Variants in LMNTD1 observed in about 807,000 individuals in gnomAD.
The protein encoded by LMNTD1 is lamin tail domain containing 1.
Under a neutral mutation model 50.9 loss-of-function variants are expected in LMNTD1, and 35 were observed. The observed-to-expected ratio is 0.69, with a 90% CI of 0.53 to 0.91. The LOEUF (loss-of-function observed/expected upper bound fraction) is 0.91. Ranked by LOEUF, LMNTD1 falls within the 40% of genes least tolerant of loss-of-function variation. The probability of loss-of-function intolerance (pLI) is 0.00; values close to 1 mark genes in which losing one functional copy is unlikely to be tolerated. For synonymous variants in LMNTD1, 153 were observed against 161.9 expected (o/e 0.94, Z 0.42); for missense variants, 470 against 475.5 (o/e 0.99, Z 0.11).
chr12:25,545,043 T>C (rs1235428376), intron 4 of LMNTD1, among the ~76,000 whole-genome samples: 1 of 151,802 alleles, frequency 6.6e-6, no homozygotes, highest in Non-Finnish European at 1.5e-5. Flanking sequence ...TTTTTCCATG[T>C]ACTTAATTTT....
In LMNTD1 at chr12:25,520,145, C is replaced by CATATATATATATAT. The variant is rs71065950; in HGVS notation, c.799-84_799-71dup. ...TTACAACATGCTGTTATGAGATATA[C>CATATATATATATAT]ATATATATATATATATATATATATA... On this transcript the variant is annotated intron_variant, in intron 6 of 9. Coordinates refer to ENST00000458174, the MANE Select transcript of LMNTD1 (RefSeq NM_001145728.2). The CATATATATATATAT allele has an allele frequency of 2.4e-3, 550 of 234,038 alleles. 6 individuals are homozygous for CATATATATATATAT. Among genetic ancestry groups the CATATATATATATAT allele is most frequent in the Admixed American group, 5.2e-3 (84 of 16,066 alleles). 14.5% of individuals were successfully genotyped at this position (234,038 alleles called of 1,614,324 possible).
chr12:25,628,517 C>T (rs560899031), intron 1 of LMNTD1, among the ~76,000 whole-genome samples: 1 of 152,238 alleles, frequency 6.6e-6, no homozygotes, highest in Non-Finnish European at 1.5e-5. Flanking sequence ...ATACTAATTC[C>T]TGGAACCTGA....
intron 1 of LMNTD1, among the ~76,000 whole-genome samples, chr12:25,642,705 A>T (rs1199127815): frequency 6.6e-6 from 1 of 152,234 alleles, no homozygotes; most frequent in Non-Finnish European, 1.5e-5. Flanking sequence ...AAAATCTTTT[A>T]ATCTCTTTTA....
chr12:25,625,702 C>G (rs567980104), intron 1 of LMNTD1, among the ~76,000 whole-genome samples: 1 of 152,274 alleles, frequency 6.6e-6, no homozygotes, highest in South Asian at 2.1e-4. Flanking sequence ...TCCTTTTTCC[C>G]AAAAGTTTTT....
chr12:25,585,394 G>A (rs182550737), intron 1 of LMNTD1, among the ~76,000 whole-genome samples: 1 of 152,292 alleles, frequency 6.6e-6, no homozygotes, highest in East Asian at 1.9e-4. Context: ...ATGCTGCTGC[G>A]ATTACCTTAC....
chr12:25,528,505 C>T (rs1941972714), intron 4 of LMNTD1, among the ~76,000 whole-genome samples: 1 of 152,170 alleles, frequency 6.6e-6, no homozygotes, highest in Non-Finnish European at 1.5e-5. Flanking sequence ...ACCACCTGGG[C>T]CCTTGCTGAT....
intron 1 of LMNTD1, chr12:25,593,026 G>T (rs2666796): frequency 0.95 from 141,123 of 148,458 alleles, 67,550 homozygotes; most frequent in East Asian, 1. Context: ...TCCATTAACC[G>T]GAGAATCTCA....
At chr12:25,500,307 T>G (rs901006760) in intron 9 of LMNTD1, among the ~76,000 whole-genome samples, 11 of 152,052 alleles carry the variant, frequency 7.2e-5, no homozygotes, top group African/African-American at 2.7e-4. Flanking sequence ...AAATACCAAC[T>G]CCCCATTGAC....
intron 1 of LMNTD1, among the ~76,000 whole-genome samples, chr12:25,575,848 A>G (rs1159148918): frequency 6.6e-6 from 1 of 151,884 alleles, no homozygotes; most frequent in African/African-American, 2.4e-5. Context: ...CTCCCCCAAC[A>G]CCATGACAGG....
intron 1 of LMNTD1, among the ~76,000 whole-genome samples, chr12:25,645,305 G>A (rs994336389): frequency 2.0e-5 from 3 of 152,130 alleles, no homozygotes; most frequent in Non-Finnish European, 2.9e-5. Context: ...GCAAGGTTTC[G>A]AGAGTAGTGA....
chr12:25,549,728 T>C lies in LMNTD1; in HGVS notation c.90-182A>G, dbSNP rs1307048151. ...ACAATCTAAATAAAACACTTTATTA[T>C]CAATATGTTGTATGCTTTAAAAATA... On this transcript the variant is annotated intron_variant, in intron 2 of 9. Coordinates refer to ENST00000458174, the MANE Select transcript of LMNTD1 (RefSeq NM_001145728.2). Among the ~76,000 whole-genome samples, 4 of 152,156 alleles carry C rather than the reference T, an allele frequency of 2.6e-5. No homozygotes were observed. In the East Asian group the frequency reaches 7.7e-4, roughly 29 times the overall value.
chr12:25,552,949 G>A lies in LMNTD1; in HGVS notation c.11C>T (p.Thr4Ile). The change falls in exon 2 of 10, where the codon ACA becomes ATA. Residue 4 changes from threonine (T) to isoleucine (I), a missense_variant. Transcript: ENST00000458174. MKD[T>I]QDIQEASKAM... is the part of the protein sequence containing the mutation. Reference sequence around the variant, plus strand: ...CTTCGAAGCTTCCTGAATGTCTTGTGTATCTTTCATCTTGGCTAGAAAAGA... The same window carrying A: ...CTTCGAAGCTTCCTGAATGTCTTGTATATCTTTCATCTTGGCTAGAAAAGA... 1 of 1,580,344 alleles carries A rather than the reference G, an allele frequency of 6.3e-7. No homozygotes were observed. The highest frequency in any genetic ancestry group is 1.7e-4 in the Middle Eastern group (1 of 6,028).
At chr12:25,640,556 A>C (rs12821088) in intron 1 of LMNTD1, among the ~76,000 whole-genome samples, 2 of 152,172 alleles carry the variant, frequency 1.3e-5, no homozygotes, top group African/African-American at 4.8e-5. Context: ...AACTATGTGT[A>C]TATATTAAGA....
chr12:25,541,882 A>G lies in LMNTD1; in HGVS notation c.491+4492T>C, dbSNP rs1452622904. ...ACTCAAACAAATTTACAAGAAAAAAACAAACAACCCCATCAAAAAGTGGGC... is the reference window on the plus strand; with the variant it reads ...ACTCAAACAAATTTACAAGAAAAAAGCAAACAACCCCATCAAAAAGTGGGC... On this transcript the variant is annotated intron_variant, in intron 4 of 9. Coordinates refer to ENST00000458174, the MANE Select transcript of LMNTD1 (RefSeq NM_001145728.2). Among the ~76,000 whole-genome samples, 9 of 150,066 alleles carry G rather than the reference A, an allele frequency of 6.0e-5. No homozygotes were observed. The East Asian group carries it at 1.8e-3, about 30-fold the overall frequency.
intron 7 of LMNTD1, 71 bp downstream of exon 7, chr12:25,519,787 G>C: frequency 4.1e-6 from 4 of 970,080 alleles, no homozygotes; most frequent in Non-Finnish European, 6.5e-6. Flanking sequence ...TTGTCATCTA[G>C]TCGTTCCCAC....
intron 4 of LMNTD1, among the ~76,000 whole-genome samples, chr12:25,534,281 A>G (rs73076394): frequency 0.098 from 14,961 of 152,244 alleles, 904 homozygotes; most frequent in East Asian, 0.2. Context: ...ATGAAGTTAC[A>G]AGAAGTGACT....
intron 4 of LMNTD1, among the ~76,000 whole-genome samples, chr12:25,543,562 A>G (rs1270552725): frequency 6.6e-6 from 1 of 151,412 alleles, no homozygotes; most frequent in Non-Finnish European, 1.5e-5. Flanking sequence ...GTTGATCTAT[A>G]TTTTTTGGTC....
intron 1 of LMNTD1, among the ~76,000 whole-genome samples, chr12:25,580,582 A>G (rs549073895): frequency 6.6e-6 from 1 of 152,314 alleles, no homozygotes; most frequent in Admixed American, 6.5e-5. Context: ...AACAAAATAT[A>G]GACAGTCTTT....
In LMNTD1 at chr12:25,526,120, G is replaced by T; in HGVS notation, c.777C>A (p.Ile259=). ...KFRASPDCIT[I]LCKPNGQAIA... is the part of the protein sequence containing the mutation. ...TAACTTGACCGTTCGGTTTGCACAG[G>T]ATTGTTATACAATCAGGACTTGCTC... Residue 259 remains isoleucine (I), a synonymous_variant, in exon 6 of 10, where the codon ATC becomes ATA. Coordinates refer to ENST00000458174, the MANE Select transcript of LMNTD1 (RefSeq NM_001145728.2). The T allele has an allele frequency of 6.2e-7, 1 of 1,602,534 alleles. No individual in the cohort carries two copies. Among genetic ancestry groups the T allele is most frequent in the Non-Finnish European group, 8.5e-7 (1 of 1,174,494 alleles).
Sources: gnomAD v4.1 joint callset for allele counts (sites outside exome capture counted in the v4.1 genomes callset) on GRCh38, gnomAD v4.1.1 for gene constraint, MANE v1.5 for transcripts, NCBI Gene and HGNC (gene_info 2026-07-23, HGNC 2026-07-21) for gene names.